KIF18A: variants seen among roughly 807,000 people sequenced by gnomAD.
KIF18A encodes kinesin-like protein KIF18A.
Under a neutral mutation model 103.3 loss-of-function variants are expected in KIF18A, and 67 were observed. The ratio of observed to expected loss-of-function variants is 0.65; its 90% CI spans 0.53 to 0.79. The LOEUF (loss-of-function observed/expected upper bound fraction) is 0.79, where lower values mean the gene tolerates loss of function less well. Among genes scored for constraint, KIF18A ranks in the 30% least tolerant of loss-of-function variants. KIF18A has a pLI of 0.00. For missense variants in KIF18A, 1,032 were observed against 1,062.5 expected (o/e 0.97, Z 0.40); for synonymous variants, 367 against 355.5 (o/e 1.03, Z -0.36).
chr11:28,040,716 A>G (rs1209077209), intron 13 of KIF18A, among the ~76,000 whole-genome samples: 1 of 151,778 alleles, frequency 6.6e-6, no homozygotes, highest in Non-Finnish European at 1.5e-5. Context: ...TCTAGGGTCT[A>G]TCTAAGGAAC....
intron 4 of KIF18A, among the ~76,000 whole-genome samples, chr11:28,091,149 A>AATAAATACATAC (rs1554974428): frequency 3.0e-5 from 4 of 131,902 alleles, no homozygotes; most frequent in Admixed American, 7.5e-5. Context: ...TAAATAAATA[A>AATAAATACATAC]ATACATACAT....
At chr11:28,045,855 A>G (rs1303731818) in intron 13 of KIF18A, among the ~76,000 whole-genome samples, 1 of 151,982 alleles carries the variant, frequency 6.6e-6, no homozygotes. Flanking sequence ...TTACAAGAAA[A>G]AAACAACCCC....
At chr11:28,033,504 T>C (rs1215722280) in intron 15 of KIF18A, among the ~76,000 whole-genome samples, 3 of 151,784 alleles carry the variant, frequency 2.0e-5, no homozygotes, top group South Asian at 2.1e-4. Context: ...ATAGTACCTA[T>C]ACACAATAGA....
At chr11:28,056,908 A>G in intron 13 of KIF18A, 2 of 394,900 alleles carry the variant, frequency 5.1e-6, no homozygotes, top group Non-Finnish European at 1.0e-5. Flanking sequence ...AATGGACTCT[A>G]GTTGGGAGTG....
chr11:28,103,611 T>A (rs1295738632), intron 1 of KIF18A, among the ~76,000 whole-genome samples: 2 of 152,144 alleles, frequency 1.3e-5, no homozygotes, highest in African/African-American at 4.8e-5. Flanking sequence ...TTTTACTTTA[T>A]ATCCCTATTC....
At chr11:28,084,923 G>T in intron 6 of KIF18A, 115 bp from the exon 7 acceptor site, 1 of 700,566 alleles carries the variant, frequency 1.4e-6, no homozygotes, top group Non-Finnish European at 2.4e-6. Context: ...GCAAGAGACT[G>T]AAGGTATAAA....
rs1272685211 is a variant in KIF18A, at chr11:28,022,354, T to C, written c.2615-1072A>G. On this transcript the variant is annotated intron_variant, in intron 16 of 16. Transcript: ENST00000263181. ...ATCTCGGCTCACTGCAAGCTCCGCC[T>C]CCCAGGTTCACGCCATTCTCCTGCC... is the stretch of plus-strand genomic sequence containing the variant. Among the ~76,000 whole-genome samples, 5 of 151,788 alleles carry C rather than the reference T, an allele frequency of 3.3e-5. No homozygotes were observed. The East Asian group carries it at 9.7e-4, about 30-fold the overall frequency.
intron 10 of KIF18A, among the ~76,000 whole-genome samples, chr11:28,072,083 T>C (rs1246020438): frequency 6.6e-6 from 1 of 152,152 alleles, no homozygotes; most frequent in Non-Finnish European, 1.5e-5. Flanking sequence ...CCCATTGCTC[T>C]AAAATGGCAA....
chr11:28,094,251 T>C (rs1025268548), intron 3 of KIF18A, among the ~76,000 whole-genome samples: 4 of 152,220 alleles, frequency 2.6e-5, no homozygotes, highest in African/African-American at 9.6e-5. Context: ...GATAATTATA[T>C]TGTATCATTG....
At position 28,021,040 on chromosome 11, in the gene KIF18A, A is replaced by T; in HGVS notation, c.*160T>A. On this transcript the variant is annotated 3_prime_UTR_variant, in exon 17 of 17. Coordinates refer to ENST00000263181, the MANE Select transcript of KIF18A (RefSeq NM_031217.4). ...TATTTTTTTAGAACACAAAAGAAGA[A>T]AACAAAGAGTTTCATTTTTCTGCTT... 1 of 583,612 alleles carries T rather than the reference A, an allele frequency of 1.7e-6. No individual in the cohort carries two copies. Among genetic ancestry groups the T allele is most frequent in the Non-Finnish European group, 2.4e-6 (1 of 410,244 alleles). 36.2% of individuals were successfully genotyped at this position (583,612 alleles called of 1,614,324 possible).
chr11:28,076,154 G>C (rs779355206), intron 10 of KIF18A, among the ~76,000 whole-genome samples: 12 of 152,120 alleles, frequency 7.9e-5, no homozygotes, highest in Non-Finnish European at 1.2e-4. Flanking sequence ...ATCAAAGTTA[G>C]AAGAGTGGGA....
chr11:28,036,354 G>T lies in KIF18A; in HGVS notation c.2259C>A (p.Ile753=), dbSNP rs777764444. 1 of 1,611,084 alleles carries T rather than the reference G, an allele frequency of 6.2e-7. No individual in the cohort carries two copies. Among genetic ancestry groups the T allele is most frequent in the Admixed American group, 1.7e-5 (1 of 59,686 alleles). The change falls in exon 14 of 17, where the codon ATC becomes ATA. Residue 753 remains isoleucine, a synonymous_variant. Transcript: ENST00000263181. ...NCLKMLCEVA[I]PHNRRKECGQ... Reference sequence around the variant, plus strand: ...CACATTCTTTTCTTCTATTATGAGGGATAGCTACTTCACACAACATTTTCA... The same window carrying T: ...CACATTCTTTTCTTCTATTATGAGGTATAGCTACTTCACACAACATTTTCA...
intron 13 of KIF18A, 137 bp from the exon 14 acceptor site, chr11:28,036,801 G>T: frequency 2.0e-6 from 1 of 511,706 alleles, no homozygotes; most frequent in Non-Finnish European, 3.3e-6. Flanking sequence ...AATATAAGTT[G>T]GAAAGGAAAA....
chr11:28,037,536 G>A (rs1427961155), intron 13 of KIF18A, among the ~76,000 whole-genome samples: 1 of 151,474 alleles, frequency 6.6e-6, no homozygotes, highest in Non-Finnish European at 1.5e-5. Context: ...GAGTATCCAT[G>A]GATTTTGGTA....
chr11:28,046,001 C>T (rs1237741256), intron 13 of KIF18A, among the ~76,000 whole-genome samples: 1 of 151,534 alleles, frequency 6.6e-6, no homozygotes, highest in Admixed American at 6.6e-5. Flanking sequence ...GAGATACCAT[C>T]TCACACCAGT....
chr11:28,090,546 T>C lies in KIF18A; in HGVS notation c.699+71A>G, dbSNP rs1421220814. 5 of 875,020 alleles carry C rather than the reference T, an allele frequency of 5.7e-6. No individual in the cohort carries two copies. The East Asian group carries it at 1.0e-4, about 17-fold the overall frequency. 54.2% of individuals were successfully genotyped at this position (875,020 alleles called of 1,614,324 possible). On this transcript the variant is annotated intron_variant, in intron 5 of 16. Coordinates refer to ENST00000263181, the MANE Select transcript of KIF18A (RefSeq NM_031217.4). The stretch of plus-strand genomic sequence containing the variant: ...CAGATTTTTTTCACATGTATGAAAA[T>C]GATGATTCATGAATTTAGCTTCATT...
At chr11:28,090,349 TTAAA>T in intron 5 of KIF18A, among the ~76,000 whole-genome samples, 1 of 152,308 alleles carries the variant, frequency 6.6e-6, no homozygotes, top group South Asian at 2.1e-4. Flanking sequence ...ATTGGAAAGA[TTAAA>T]TATTTTCAGC....
At chr11:28,049,274 T>C (rs967126375) in intron 13 of KIF18A, among the ~76,000 whole-genome samples, 5 of 152,026 alleles carry the variant, frequency 3.3e-5, no homozygotes, top group African/African-American at 7.2e-5. Flanking sequence ...TTTTCAGCTT[T>C]TGGAAATATT....
rs935200064 is a variant in KIF18A, at chr11:28,104,823, C to T, written c.-47+3241G>A. 2.0e-5 allele frequency among the ~76,000 whole-genome samples: 3 copies of T among 152,084 alleles called. No homozygotes were observed. In the South Asian group the frequency reaches 6.2e-4, roughly 32 times the overall value. ...CAGTACAGTTTTAATAGACTTATAG[C>T]ATGTTACCATTTGTATTTTTAAAAG... On this transcript the variant is annotated intron_variant, in intron 1 of 16. Transcript: ENST00000263181.
Sources: allele counts gnomAD v4.1 joint callset (sites outside exome capture counted in the v4.1 genomes callset), GRCh38; gene constraint gnomAD v4.1.1; transcripts MANE v1.5; gene names NCBI Gene and HGNC (gene_info 2026-07-23, HGNC 2026-07-21).